HSD17B12: variants seen among roughly 807,000 people sequenced by gnomAD.
The protein encoded by HSD17B12 is hydroxysteroid 17-beta dehydrogenase 12, also known as very-long-chain 3-oxoacyl-CoA reductase.
In HSD17B12, 32 loss-of-function variants were observed where a neutral mutation model predicts 39.3. The observed-to-expected ratio is 0.81, with a 90% CI of 0.61 to 1.09. The LOEUF (loss-of-function observed/expected upper bound fraction) is 1.09. HSD17B12 is among the 50% of genes least tolerant of loss of function. HSD17B12 has a pLI of 0.00. For missense variants in HSD17B12, 342 were observed against 382.9 expected (o/e 0.89, Z 0.89); for synonymous variants, 150 against 146.7 (o/e 1.02, Z -0.16).
intron 6 of HSD17B12, among the ~76,000 whole-genome samples, chr11:43,820,230 T>C (rs1241802706): frequency 6.6e-6 from 1 of 152,080 alleles, no homozygotes; most frequent in Non-Finnish European, 1.5e-5. Flanking sequence ...AGCCTTCAAG[T>C]AGATGTAAGG....
the HSD17B12 span, among the ~76,000 whole-genome samples, chr11:43,641,711 C>CT: frequency 6.6e-6 from 1 of 151,836 alleles, no homozygotes. Context: ...GACAGACTAA[C>CT]TTTTTAAGCA....
chr11:43,845,104 C>T (rs1409568065), intron 9 of HSD17B12, among the ~76,000 whole-genome samples: 1 of 152,136 alleles, frequency 6.6e-6, no homozygotes, highest in African/African-American at 2.4e-5. Flanking sequence ...AGTGATCCTC[C>T]CACCTCAGCC....
chr11:43,716,629 C>G (rs978966983), intron 1 of HSD17B12, among the ~76,000 whole-genome samples: 9 of 151,450 alleles, frequency 5.9e-5, no homozygotes, highest in African/African-American at 2.2e-4. Flanking sequence ...AGAATAGTTC[C>G]TCTCCTGGAG....
intron 6 of HSD17B12, among the ~76,000 whole-genome samples, chr11:43,829,340 G>A (rs1413405695): frequency 6.6e-6 from 1 of 152,104 alleles, no homozygotes; most frequent in Non-Finnish European, 1.5e-5. Context: ...TTTTGAACAT[G>A]TCCCTACATA....
At chr11:43,675,644 A>C in the HSD17B12 span, among the ~76,000 whole-genome samples, 3 of 152,170 alleles carry the variant, frequency 2.0e-5, no homozygotes, top group African/African-American at 7.2e-5. Flanking sequence ...CTACATGGAC[A>C]ACAAACTCCA....
intron 3 of HSD17B12, among the ~76,000 whole-genome samples, chr11:43,796,117 C>A (rs567773512): frequency 2.0e-5 from 3 of 152,054 alleles, no homozygotes; most frequent in African/African-American, 7.2e-5. Context: ...TGAGGAGCAA[C>A]GGGGAGAGTA....
the HSD17B12 span, chr11:43,672,911 AC>A: frequency 6.6e-6 from 1 of 151,494 alleles, no homozygotes; most frequent in African/African-American, 2.4e-5. Context: ...ACTTTGGGAA[AC>A]CTCCCAATTT....
At chr11:43,640,278 G>GTATTC in the HSD17B12 span, among the ~76,000 whole-genome samples, 6 of 152,082 alleles carry the variant, frequency 3.9e-5, no homozygotes, top group African/African-American at 1.2e-4. Flanking sequence ...GGGGAATGAA[G>GTATTC]GGAATATGTA....
chr11:43,570,162 T>G, the HSD17B12 span: 1 of 152,608 alleles, frequency 6.6e-6, no homozygotes, highest in Admixed American at 6.5e-5. Flanking sequence ...TCACACTCAA[T>G]GAAGGGACCC....
At chr11:43,596,103 C>G in the HSD17B12 span, among the ~76,000 whole-genome samples, 6 of 152,154 alleles carry the variant, frequency 3.9e-5, no homozygotes, top group African/African-American at 1.4e-4. Flanking sequence ...GCTGGCCAGG[C>G]TGGTCTGAAA....
chr11:43,718,915 A>G (rs1166106056), intron 1 of HSD17B12: 4 of 1,024,074 alleles, frequency 3.9e-6, no homozygotes, highest in Non-Finnish European at 6.1e-6. Context: ...TCAAGTTTCC[A>G]TTGACCACTG....
intron 1 of HSD17B12, among the ~76,000 whole-genome samples, chr11:43,697,066 T>C (rs912094201): frequency 3.3e-5 from 5 of 152,140 alleles, no homozygotes; most frequent in Admixed American, 6.5e-5. Context: ...CTAATGCATA[T>C]GTGGCTTAAA....
intron 1 of HSD17B12, among the ~76,000 whole-genome samples, chr11:43,707,760 C>A (rs1950028949): frequency 6.6e-6 from 1 of 152,112 alleles, no homozygotes; most frequent in Admixed American, 6.5e-5. Context: ...ATTAATCTCA[C>A]CTGTTATTTT....
the HSD17B12 span, among the ~76,000 whole-genome samples, chr11:43,561,331 T>C: frequency 6.6e-6 from 1 of 152,232 alleles, no homozygotes; most frequent in African/African-American, 2.4e-5. Flanking sequence ...GAAATTACTT[T>C]AGCAATTAAT....
intron 7 of HSD17B12, chr11:43,833,779 G>GGT (rs1951338498): frequency 1.3e-5 from 2 of 152,158 alleles, no homozygotes; most frequent in Non-Finnish European, 2.9e-5. Context: ...CCTCTGATGT[G>GGT]GGAGATTTTC....
chr11:43,617,104 G>A, the HSD17B12 span, among the ~76,000 whole-genome samples: 2 of 152,056 alleles, frequency 1.3e-5, no homozygotes, highest in African/African-American at 4.8e-5. Context: ...TTGGTCCACC[G>A]ATTTTTCATA....
chr11:43,583,962 CA>C, the HSD17B12 span, among the ~76,000 whole-genome samples: 252 of 152,232 alleles, frequency 1.7e-3, 1 homozygote, highest in African/African-American at 5.7e-3. Flanking sequence ...AAATCAAGAC[CA>C]GGGGTTATCT....
chr11:43,750,007 T>C (rs1172638527), intron 1 of HSD17B12, among the ~76,000 whole-genome samples: 3 of 152,250 alleles, frequency 2.0e-5, no homozygotes, highest in Non-Finnish European at 2.9e-5. Context: ...CATAAAGTTT[T>C]TGAGGTTGTA....
intron 3 of HSD17B12, among the ~76,000 whole-genome samples, chr11:43,785,282 C>T (rs1950805236): frequency 6.6e-6 from 1 of 151,976 alleles, no homozygotes; most frequent in African/African-American, 2.4e-5. Flanking sequence ...ATAACAACAA[C>T]AAAACAATAT....
Sources: gnomAD v4.1 joint callset for allele counts (sites outside exome capture counted in the v4.1 genomes callset) on GRCh38, gnomAD v4.1.1 for gene constraint, MANE v1.5 for transcripts, NCBI Gene and HGNC (gene_info 2026-07-23, HGNC 2026-07-21) for gene names.